The following PIMREG variants were observed in gnomAD, a reference collection of about 807,000 sequenced individuals.
The protein encoded by PIMREG is PICALM interacting mitotic regulator.
Under a neutral mutation model 24.3 loss-of-function variants are expected in PIMREG, and 19 were observed. The observed-to-expected ratio is 0.78, with a 90% CI of 0.54 to 1.15. PIMREG has a LOEUF of 1.15. Ranked by LOEUF, PIMREG falls within the 50% of genes most tolerant of loss-of-function variation. The pLI is 0.00. For missense variants in PIMREG, 283 were observed against 306.8 expected (o/e 0.92, Z 0.58); for synonymous variants, 112 against 124.1 (o/e 0.90, Z 0.65).
At chr17:6,445,644 G>T (rs1913543528) in intron 2 of PIMREG, among the ~76,000 whole-genome samples, 1 of 152,330 alleles carries the variant, frequency 6.6e-6, no homozygotes, top group South Asian at 2.1e-4. Context: ...CAGGTGATAA[G>T]AGCTGTACGT....
At chr17:6,447,229 A>C in intron 2 of PIMREG, 1 of 449,072 alleles carries the variant, frequency 2.2e-6, no homozygotes, top group Non-Finnish European at 4.1e-6. Flanking sequence ...CTCATGCCTC[A>C]GCCACCCAAG....
intron 4 of PIMREG, 70 bp downstream of exon 4, chr17:6,449,477 C>T (rs1348548913): frequency 1.5e-5 from 21 of 1,421,708 alleles, no homozygotes; most frequent in East Asian, 9.2e-5. Context: ...TGTAGGCAGG[C>T]GTTGGTTCTG....
Position 6,447,632 on chromosome 17 carries a change from C to A in PIMREG, c.464C>A (p.Pro155His). 6.2e-7 allele frequency: 1 copy of A among 1,613,908 alleles called. No individual in the cohort carries two copies. Among genetic ancestry groups the A allele is most frequent in the Non-Finnish European group, 8.5e-7 (1 of 1,179,916 alleles). ...GCCCCTGCCCACTCAGCCGCAGACC[C>A]CTGGGAGAAGGAGCATCACCGCCTC... Reference protein sequence around the residue: ...GAAPAHSAADPWEKEHHRLSV... With the variant: ...GAAPAHSAADHWEKEHHRLSV... The change falls in exon 3 of 6, where the codon CCC (proline) becomes CAC (histidine). Residue 155 changes from proline to histidine, a missense_variant. Transcript: ENST00000572447.
chr17:6,445,718 A>T (rs7220569), intron 2 of PIMREG, among the ~76,000 whole-genome samples: 1 of 152,054 alleles, frequency 6.6e-6, no homozygotes, highest in East Asian at 1.9e-4. Context: ...TAGTCGGTGA[A>T]GGCTTCCCAG....
chr17:6,449,781 C>T (rs764985645), intron 4 of PIMREG: 2 of 1,414,970 alleles, frequency 1.4e-6, no homozygotes, highest in African/African-American at 1.4e-5. Flanking sequence ...AGTTCCTGGT[C>T]TGTCTGCTCA....
chr17:6,449,534 C>CCT, intron 4 of PIMREG, 127 bp downstream of exon 4: 1 of 1,017,014 alleles, frequency 9.8e-7, no homozygotes, highest in Non-Finnish European at 1.4e-6. Context: ...CCTCTCTGGG[C>CCT]CTCAGTCTCC....
chr17:6,445,211 G>A lies in PIMREG; in HGVS notation c.101G>A (p.Ser34Asn), dbSNP rs781774914. The A allele has an allele frequency of 6.2e-7, 1 of 1,613,852 alleles. No homozygotes were observed. Among genetic ancestry groups the A allele is most frequent in the South Asian group, 1.1e-5 (1 of 91,058 alleles). The change falls in exon 2 of 6, where the codon AGC (serine) becomes AAC (asparagine). Residue 34 changes from serine to asparagine, a missense_variant. Transcript: ENST00000572447. ...AGCAAGGAGCTGCAGCCTGTGGTCA[G>A]CCATCAGGAGACCTCTGTAGGGGCC... ...EDSKELQPVV[S>N]HQETSVGALG...
Position 6,447,718 on chromosome 17 carries a change from C to T in PIMREG, c.550C>T (p.Arg184Trp), listed in dbSNP as rs771379702. 8.1e-6 allele frequency: 13 copies of T among 1,613,434 alleles called. No homozygotes were observed. Among genetic ancestry groups the T allele is most frequent in the East Asian group, 4.5e-5 (2 of 44,860 alleles). ...LRRSRREAAF[R>W]SPYSSTEPLC... ...GCGATCAAGGCGGGAGGCTGCCTTC[C>T]GGAGCCCCTACTCCTCAACAGAGCC... Residue 184 changes from arginine (R) to tryptophan (W), a missense_variant, in exon 3 of 6, where the codon CGG becomes TGG. Physicochemically the swap from Arg to Trp is moderately radical, Grantham distance 101. Coordinates refer to ENST00000572447, the MANE Select transcript of PIMREG (RefSeq NM_019013.3).
At chr17:6,450,164 G>A (rs1913767192) in intron 5 of PIMREG, 92 bp downstream of exon 5, 5 of 1,376,156 alleles carry the variant, frequency 3.6e-6, no homozygotes, top group Admixed American at 3.4e-5. Flanking sequence ...GAGCTGATGG[G>A]CACAGCAGAG....
chr17:6,448,707 G>C (rs1184483964), intron 3 of PIMREG, among the ~76,000 whole-genome samples: 2 of 152,148 alleles, frequency 1.3e-5, no homozygotes, highest in African/African-American at 4.8e-5. Flanking sequence ...TCAGGGCAGG[G>C]GGTGAAGCTC....
At chr17:6,448,026 G>A (rs916105299) in intron 3 of PIMREG, among the ~76,000 whole-genome samples, 12 of 152,136 alleles carry the variant, frequency 7.9e-5, no homozygotes, top group African/African-American at 2.9e-4. Flanking sequence ...GCTCACACCT[G>A]TAATCCCAGC....
chr17:6,449,382 G>C lies in PIMREG; in HGVS notation c.661G>C (p.Asp221His). ...QHLQKLSQEL[D>H]EAIMAEESGD... Reference sequence around the variant, plus strand: ...TCTCCAGAAGCTGTCCCAAGAGCTAGATGAAGCCATTATGGCGGAAGAGAG... The same window carrying C: ...TCTCCAGAAGCTGTCCCAAGAGCTACATGAAGCCATTATGGCGGAAGAGAG... Residue 221 changes from aspartate (D) to histidine (H), a missense_variant, in exon 4 of 6, where the codon GAT (aspartate) becomes CAT (histidine). Physicochemically the swap from Asp to His is moderately conservative, Grantham distance 81. Transcript: ENST00000572447. 2 of 1,613,278 alleles carry C rather than the reference G, an allele frequency of 1.2e-6. No homozygotes were observed. The highest frequency in any genetic ancestry group is 1.3e-5 in the African/African-American group (1 of 75,044).
At position 6,450,354 on chromosome 17, in the gene PIMREG, T is replaced by A. The variant is rs761161353; in HGVS notation, c.*15-8T>A. 6.4e-7 allele frequency: 1 copy of A among 1,555,426 alleles called. No individual in the cohort carries two copies. The highest frequency in any genetic ancestry group is 1.9e-5 in the Admixed American group (1 of 53,140). On this transcript the variant is annotated splice_polypyrimidine_tract_variant and splice_region_variant and intron_variant, in intron 5 of 5. Transcript: ENST00000572447. ...GAGCACAGTGAAAAAGGCAGCTCTG[T>A]CTTGAAGGAAACAAGCCCTGTCTGA...
chr17:6,450,269 C>T (rs1281788305), intron 5 of PIMREG, 93 bp from the exon 6 acceptor site: 15 of 1,285,346 alleles, frequency 1.2e-5, no homozygotes, highest in Non-Finnish European at 1.5e-5. Flanking sequence ...GCTACAGCCA[C>T]CTTCCAGCAC....
rs1278188654 is a variant in PIMREG at position 6,446,230 on chromosome 17, A to G, written c.294+826A>G. Reference sequence around the variant, plus strand: ...CTTCAAGGGATGCATCTTTAAACCCAGAGCTGGAGGTGTAGACGTGTCACT... The same window carrying G: ...CTTCAAGGGATGCATCTTTAAACCCGGAGCTGGAGGTGTAGACGTGTCACT... On this transcript the variant is annotated intron_variant, in intron 2 of 5. Coordinates refer to ENST00000572447, the MANE Select transcript of PIMREG (RefSeq NM_019013.3). 1.7e-5 allele frequency: 7 copies of G among 401,008 alleles called. No homozygotes were observed. In the East Asian group the frequency reaches 2.5e-4, roughly 14 times the overall value. The allele number at this position is 401,008 out of a possible 1,614,324, so 24.8% of individuals were successfully genotyped here. A position where few individuals can be genotyped will look rare whatever the true frequency, so the allele number is the denominator to read the frequency against.
chr17:6,449,276 C>T, intron 3 of PIMREG, 36 bp from the exon 4 acceptor site: 1 of 1,576,864 alleles, frequency 6.3e-7, no homozygotes, highest in Non-Finnish European at 8.6e-7. Context: ...CGGGAGTTTC[C>T]AACTAGTCAC....
Position 6,449,344 on chromosome 17 carries a change from C to G in PIMREG, c.623C>G (p.Ala208Gly). The stretch of plus-strand genomic sequence containing the variant: ...GACAGTGACCTAGAGCCTGTGGGGG[C>G]GGGAATTCAGCATCTCCAGAAGCTG... ...ESDSDLEPVG[A>G]GIQHLQKLSQ... Residue 208 changes from alanine (A) to glycine (G), a missense_variant, in exon 4 of 6, where the codon GCG becomes GGG. Transcript: ENST00000572447. The G allele has an allele frequency of 6.2e-7, 1 of 1,612,868 alleles. No homozygotes were observed. Among genetic ancestry groups the G allele is most frequent in the Non-Finnish European group, 8.5e-7 (1 of 1,179,432 alleles).
chr17:6,449,581 T>G, intron 4 of PIMREG, 174 bp downstream of exon 4: 1 of 1,054,940 alleles, frequency 9.5e-7, no homozygotes, highest in Non-Finnish European at 1.3e-6. Context: ...AATCCTGGAC[T>G]GGGGTGATGG....
intron 3 of PIMREG, among the ~76,000 whole-genome samples, chr17:6,448,681 C>T (rs1193438065): frequency 6.6e-6 from 1 of 152,148 alleles, no homozygotes; most frequent in African/African-American, 2.4e-5. Flanking sequence ...CAGACAGGCC[C>T]AGAAAGTGGC....
Sources: gnomAD v4.1 joint callset for allele counts (sites outside exome capture counted in the v4.1 genomes callset) on GRCh38, gnomAD v4.1.1 for gene constraint, MANE v1.5 for transcripts, NCBI Gene and HGNC (gene_info 2026-07-23, HGNC 2026-07-21) for gene names.